The following CCDC186 variants were observed in gnomAD, a reference collection of about 807,000 sequenced individuals.
CCDC186 encodes coiled-coil domain containing 186, also known as coiled-coil domain-containing protein 186.
CCDC186 carries 49 observed loss-of-function variants against 113.7 expected under a neutral mutation model. That is an observed-to-expected ratio of 0.43 (90% confidence interval 0.34 to 0.55). The LOEUF (loss-of-function observed/expected upper bound fraction) is 0.55, where lower values mean the gene tolerates loss of function less well. Among genes scored for constraint, CCDC186 ranks in the 20% least tolerant of loss-of-function variants. CCDC186 has a pLI of 0.02. For synonymous variants in CCDC186, 355 were observed against 345.8 expected (o/e 1.03, Z -0.30); for missense variants, 890 against 1,011.1 (o/e 0.88, Z 1.62).
intron 15 of CCDC186, 117 bp downstream of exon 15, chr10:114,125,769 G>T: frequency 1.8e-5 from 13 of 723,724 alleles, no homozygotes; most frequent in South Asian, 1.6e-4. Flanking sequence ...TTCATCTTTG[G>T]GTAAAATGAC....
At chr10:114,169,154 G>C (rs1018563718) in intron 1 of CCDC186, among the ~76,000 whole-genome samples, 5 of 150,636 alleles carry the variant, frequency 3.3e-5, no homozygotes, top group Non-Finnish European at 7.4e-5. Flanking sequence ...AAGAAATGCA[G>C]AAGTGTTTTA....
At chr10:114,126,165 G>A (rs1416798677) in intron 14 of CCDC186, 60 bp from the exon 15 acceptor site, 2 of 1,320,104 alleles carry the variant, frequency 1.5e-6, no homozygotes, top group Non-Finnish European at 2.1e-6. Flanking sequence ...AATGGAATCT[G>A]CAAAAGTCAA....
intron 9 of CCDC186, among the ~76,000 whole-genome samples, chr10:114,135,462 A>G (rs2031228985): frequency 1.3e-5 from 2 of 152,208 alleles, no homozygotes; most frequent in Admixed American, 6.5e-5. Flanking sequence ...TAATCTTACA[A>G]TAAAGACTAT....
Position 114,121,296 on chromosome 10 carries a change from G to T in CCDC186, c.*3847C>A, listed in dbSNP as rs2030715027. Reference sequence around the variant, plus strand: ...TTAAAAAAAGGTTATTGAAAAATAGGCTACATAAAGCATAAATGACAACAT... The same window carrying T: ...TTAAAAAAAGGTTATTGAAAAATAGTCTACATAAAGCATAAATGACAACAT... On this transcript the variant is annotated 3_prime_UTR_variant, in exon 16 of 16. Transcript: ENST00000369287. The T allele has an allele frequency of 6.6e-6, 1 of 152,012 alleles. No homozygotes were observed. The highest frequency in any genetic ancestry group is 1.5e-5 in the Non-Finnish European group (1 of 67,978). 9.4% of individuals were successfully genotyped at this position (152,012 alleles called of 1,614,324 possible).
chr10:114,125,126 T>C lies in CCDC186; in HGVS notation c.*17A>G, dbSNP rs1314645445. The C allele has an allele frequency of 6.3e-7, 1 of 1,577,172 alleles. No individual in the cohort carries two copies. Among genetic ancestry groups the C allele is most frequent in the Non-Finnish European group, 8.6e-7 (1 of 1,158,142 alleles). On this transcript the variant is annotated 3_prime_UTR_variant, in exon 16 of 16. Coordinates refer to ENST00000369287, the MANE Select transcript of CCDC186 (RefSeq NM_018017.4). ...TCCTGTGTGGCTTTTGTCTCTTTAC[T>C]GAGCAAGAGGCTTGTTTTAGGTTTT...
At chr10:114,134,860 A>G (rs2031204162) in intron 10 of CCDC186, 53 bp downstream of exon 10, 1 of 1,544,052 alleles carries the variant, frequency 6.5e-7, no homozygotes, top group Non-Finnish European at 8.6e-7. Context: ...AAATCTTGAA[A>G]TAAAATTTAA....
chr10:114,130,695 A>G (rs889792822), intron 12 of CCDC186: 1 of 152,216 alleles, frequency 6.6e-6, no homozygotes, highest in African/African-American at 2.4e-5. Context: ...AAGAAATCAC[A>G]GGAATGTAAA....
chr10:114,132,334 A>C, intron 10 of CCDC186, 150 bp from the exon 11 acceptor site: 1 of 609,946 alleles, frequency 1.6e-6, no homozygotes, highest in Non-Finnish European at 2.6e-6. Context: ...ATGCCAGGAA[A>C]TAAGAGCTGG....
rs769576289 is a variant in CCDC186 at position 114,162,911 on chromosome 10, C to T, written c.358G>A (p.Val120Met). ...GGAAATGTAGATGACCTTAATTCCA[C>T]CAATATTTGTGTTACTTTCTGTTCT... ...ETEQKVTQIL[V>M]ELRSSTFPES... The change falls in exon 2 of 16, where the codon GTG (valine) becomes ATG (methionine). Residue 120 changes from valine (V) to methionine (M), a missense_variant. Transcript: ENST00000369287. The T allele has an allele frequency of 3.7e-6, 6 of 1,613,578 alleles. No homozygotes were observed. In the Admixed American group the frequency reaches 6.7e-5, roughly 18 times the overall value.
intron 6 of CCDC186, among the ~76,000 whole-genome samples, chr10:114,140,833 T>A (rs2031444375): frequency 6.6e-6 from 1 of 152,174 alleles, no homozygotes; most frequent in Non-Finnish European, 1.5e-5. Flanking sequence ...GGAATGTATT[T>A]ATAAGAGCTG....
chr10:114,144,373 C>T, intron 6 of CCDC186, 124 bp downstream of exon 6: 1 of 1,180,178 alleles, frequency 8.5e-7, no homozygotes, highest in Non-Finnish European at 1.2e-6. Flanking sequence ...ACTGTTATTG[C>T]ATTTGCTCTT....
chr10:114,130,436 G>T (rs897329896), intron 12 of CCDC186: 15 of 153,454 alleles, frequency 9.8e-5, no homozygotes, highest in Non-Finnish European at 4.3e-5. Context: ...ATAGGAGGTT[G>T]AAATACGTGT....
intron 4 of CCDC186, among the ~76,000 whole-genome samples, chr10:114,149,536 AG>A (rs2031749257): frequency 9.1e-6 from 1 of 110,078 alleles, no homozygotes; most frequent in Non-Finnish European, 1.9e-5. Flanking sequence ...AAGGAAGGAA[AG>A]GGAAGGGAAG....
intron 2 of CCDC186, among the ~76,000 whole-genome samples, chr10:114,160,167 G>A (rs2032128083): frequency 6.6e-6 from 1 of 151,842 alleles, no homozygotes; most frequent in African/African-American, 2.4e-5. Context: ...CTACTTGGGA[G>A]CCTGAAGTAG....
At chr10:114,151,339 A>T (rs2031851666) in intron 3 of CCDC186, 119 bp from the exon 4 acceptor site, 1 of 799,146 alleles carries the variant, frequency 1.3e-6, no homozygotes, top group African/African-American at 1.8e-5. Flanking sequence ...TACTTCAGCT[A>T]TTGAAATAAA....
intron 1 of CCDC186, among the ~76,000 whole-genome samples, chr10:114,163,644 A>G (rs1357021906): frequency 6.6e-6 from 1 of 152,230 alleles, no homozygotes; most frequent in Non-Finnish European, 1.5e-5. Flanking sequence ...TAACGCTAGC[A>G]ACTAGACGAG....
intron 10 of CCDC186, 75 bp from the exon 11 acceptor site, chr10:114,132,259 T>A (rs2031112552): frequency 9.5e-7 from 1 of 1,054,182 alleles, no homozygotes; most frequent in Non-Finnish European, 1.3e-6. Context: ...GGAATTTTCA[T>A]CTAGTCAAAT....
rs2030763461 is a variant in CCDC186, at chr10:114,122,557, T to G, written c.*2586A>C. 1 of 152,190 alleles carries G rather than the reference T, an allele frequency of 6.6e-6. No individual in the cohort carries two copies. Among genetic ancestry groups the G allele is most frequent in the African/African-American group, 2.4e-5 (1 of 41,460 alleles). The allele number at this position is 152,190 out of a possible 1,614,324, so 9.4% of individuals were successfully genotyped here. Reference sequence around the variant, plus strand: ...ACATAACCAAAACAGCCTTGATATGTAACAACCAATAATGAACATATAAAA... The same window carrying G: ...ACATAACCAAAACAGCCTTGATATGGAACAACCAATAATGAACATATAAAA... On this transcript the variant is annotated 3_prime_UTR_variant, in exon 16 of 16. Coordinates refer to ENST00000369287, the MANE Select transcript of CCDC186 (RefSeq NM_018017.4).
chr10:114,133,175 T>C (rs1384613646), intron 10 of CCDC186, among the ~76,000 whole-genome samples: 2 of 152,190 alleles, frequency 1.3e-5, no homozygotes, highest in Non-Finnish European at 2.9e-5. Context: ...GAGCTGCTAA[T>C]AGCTTGGACT....
Sources: allele counts gnomAD v4.1 joint callset (sites outside exome capture counted in the v4.1 genomes callset), GRCh38; gene constraint gnomAD v4.1.1; transcripts MANE v1.5; gene names NCBI Gene and HGNC (gene_info 2026-07-23, HGNC 2026-07-21).